JAZF1: variants seen among roughly 807,000 people sequenced by gnomAD.
The protein encoded by JAZF1 is JAZF zinc finger 1, also known as juxtaposed with another zinc finger protein 1.
Under a neutral mutation model 26.4 loss-of-function variants are expected in JAZF1, and 8 were observed. The ratio of observed to expected loss-of-function variants is 0.30; its 90% CI spans 0.18 to 0.55. The LOEUF (loss-of-function observed/expected upper bound fraction) is 0.55, where lower values mean the gene tolerates loss of function less well. Ranked by LOEUF, JAZF1 falls within the 20% of genes least tolerant of loss-of-function variation. The probability of loss-of-function intolerance (pLI) is 0.94; values close to 1 mark genes in which losing one functional copy is unlikely to be tolerated. For synonymous variants in JAZF1, 126 were observed against 122.3 expected (o/e 1.03, Z -0.20); for missense variants, 199 against 322.0 (o/e 0.62, Z 2.92).
chr7:28,091,639 C>T (rs1784298585), intron 1 of JAZF1, among the ~76,000 whole-genome samples: 1 of 149,300 alleles, frequency 6.7e-6, no homozygotes. Flanking sequence ...TATATATACA[C>T]ACACACAGAC....
rs1782909979 is a variant in JAZF1, at chr7:27,840,895, G to A, written c.386-28C>T. ...GCAGGACAAGAGAAGTGCAAGGACTGTCAGGAGCGCTCATCTCCCCACAGG... is the reference window on the plus strand; with the variant it reads ...GCAGGACAAGAGAAGTGCAAGGACTATCAGGAGCGCTCATCTCCCCACAGG... On this transcript the variant is annotated intron_variant, in intron 3 of 4. Transcript: ENST00000283928. This position sits in a 1 kb window ranked among gnomAD's most constrained non-coding sequence, Gnocchi z 5.1. 2 of 1,610,880 alleles carry A rather than the reference G, an allele frequency of 1.2e-6. No homozygotes were observed. The highest frequency in any genetic ancestry group is 1.7e-6 in the Non-Finnish European group (2 of 1,178,364).
At chr7:28,059,641 C>T (rs981046345) in intron 1 of JAZF1, among the ~76,000 whole-genome samples, 4 of 152,104 alleles carry the variant, frequency 2.6e-5, no homozygotes, top group East Asian at 1.9e-4. Context: ...TCTCAAAGTA[C>T]GTATTTTAGA....
chr7:28,051,501 C>T (rs905177891), intron 1 of JAZF1, among the ~76,000 whole-genome samples: 13 of 152,048 alleles, frequency 8.5e-5, no homozygotes, highest in African/African-American at 2.9e-4. Context: ...CGTCAGCCAC[C>T]GCATCCGGCT....
chr7:27,976,082 C>T (rs1785464073), intron 2 of JAZF1, among the ~76,000 whole-genome samples: 2 of 152,240 alleles, frequency 1.3e-5, no homozygotes, highest in Non-Finnish European at 2.9e-5. Flanking sequence ...CGATGGCTCA[C>T]GCCTGTAATC....
rs142679674 is a variant in JAZF1 at position 28,072,640 on chromosome 7, T to C, written c.116-80659A>G. ...CTAAAGAAAAAACAGAAACCATCCA[T>C]AATTCAGCTCCCTTCCACCACCACC... On this transcript the variant is annotated intron_variant, in intron 1 of 4. Coordinates refer to ENST00000283928, the MANE Select transcript of JAZF1 (RefSeq NM_175061.4). Among the ~76,000 whole-genome samples, 319 of 152,288 alleles carry C rather than the reference T, an allele frequency of 2.1e-3. 2 individuals carry two copies. The highest frequency in any genetic ancestry group is 7.4e-3 in the African/African-American group (308 of 41,558).
In JAZF1 at chr7:27,930,290, C is replaced by T. The variant is rs1033683637; in HGVS notation, c.189-34874G>A. On this transcript the variant is annotated intron_variant, in intron 2 of 4. Coordinates refer to ENST00000283928, the MANE Select transcript of JAZF1 (RefSeq NM_175061.4). ...GATTACAGGCATGAGCCACCGTGCC[C>T]GGCCAATTTTCTGCATTTTCTATAA... Among the ~76,000 whole-genome samples, 6 of 152,116 alleles carry T rather than the reference C, an allele frequency of 3.9e-5. No homozygotes were observed. In the South Asian group the frequency reaches 6.2e-4, roughly 16 times the overall value.
At chr7:27,987,201 G>A (rs1325792861) in intron 2 of JAZF1, among the ~76,000 whole-genome samples, 1 of 151,990 alleles carries the variant, frequency 6.6e-6, no homozygotes, top group Non-Finnish European at 1.5e-5. Context: ...ATCCCATCTA[G>A]GAGGTGAGGA....
At chr7:28,038,172 GA>G (rs1416019933) in intron 1 of JAZF1, among the ~76,000 whole-genome samples, 1 of 152,212 alleles carries the variant, frequency 6.6e-6, no homozygotes, top group Admixed American at 6.5e-5. Flanking sequence ...GAATTTCCAT[GA>G]AGTGGGTAAC....
chr7:27,872,021 T>C (rs184077093), intron 3 of JAZF1, among the ~76,000 whole-genome samples: 44 of 152,348 alleles, frequency 2.9e-4, no homozygotes, highest in Non-Finnish European at 5.1e-4. Flanking sequence ...TCACTGCCTA[T>C]GGTGCTGTTG....
chr7:28,084,553 T>C (rs893488729), intron 1 of JAZF1, among the ~76,000 whole-genome samples: 11 of 152,180 alleles, frequency 7.2e-5, no homozygotes, highest in Admixed American at 4.6e-4. Flanking sequence ...CTTGTAGAAG[T>C]ACTGGCTATT....
intron 1 of JAZF1, among the ~76,000 whole-genome samples, chr7:28,002,834 T>G (rs565612428): frequency 9.2e-5 from 14 of 152,250 alleles, no homozygotes; most frequent in Admixed American, 2.0e-4. Context: ...TGCATTCATG[T>G]GACTAAGTCT....
At chr7:27,876,491 T>A (rs1199090780) in intron 3 of JAZF1, among the ~76,000 whole-genome samples, 1 of 152,120 alleles carries the variant, frequency 6.6e-6, no homozygotes, top group African/African-American at 2.4e-5. Flanking sequence ...ACCACCGTTA[T>A]CACAACTGCT....
intron 4 of JAZF1, among the ~76,000 whole-genome samples, chr7:27,837,660 A>T (rs1782842363): frequency 6.6e-6 from 1 of 152,340 alleles, no homozygotes; most frequent in Non-Finnish European, 1.5e-5. Flanking sequence ...AGGTGGAGGC[A>T]CTGGAGCTGT....
At chr7:28,105,552 C>A (rs541029987) in intron 1 of JAZF1, among the ~76,000 whole-genome samples, 3 of 152,306 alleles carry the variant, frequency 2.0e-5, no homozygotes, top group African/African-American at 7.2e-5. Context: ...TTTAGTTTGA[C>A]AAAAGGATTT....
intron 1 of JAZF1, among the ~76,000 whole-genome samples, chr7:28,143,488 C>G (rs1782985294): frequency 6.6e-6 from 1 of 152,184 alleles, no homozygotes; most frequent in African/African-American, 2.4e-5. Flanking sequence ...TGCCTGTCTT[C>G]CCATTCCATG....
intron 1 of JAZF1, among the ~76,000 whole-genome samples, chr7:28,123,652 C>T (rs187210092): frequency 4.3e-4 from 66 of 152,362 alleles, no homozygotes; most frequent in Non-Finnish European, 7.3e-5. Context: ...GAGGCAAACA[C>T]TTTCCCAGAA....
At chr7:28,033,205 G>C (rs77809231) in intron 1 of JAZF1, among the ~76,000 whole-genome samples, 1 of 152,186 alleles carries the variant, frequency 6.6e-6, no homozygotes, top group African/African-American at 2.4e-5. Flanking sequence ...GAGACTGCAC[G>C]GCCACTGGGA....
intron 1 of JAZF1, among the ~76,000 whole-genome samples, chr7:28,010,159 C>A (rs1218449891): frequency 2.6e-5 from 4 of 152,168 alleles, no homozygotes; most frequent in African/African-American, 9.7e-5. Context: ...GTTCCCTGTG[C>A]CAAGCACTGT....
At chr7:28,017,287 G>A (rs1235953194) in intron 1 of JAZF1, among the ~76,000 whole-genome samples, 1 of 149,386 alleles carries the variant, frequency 6.7e-6, no homozygotes, top group African/African-American at 2.5e-5. Flanking sequence ...GGAGGCAGAG[G>A]TTACAGTGAG....
Sources: allele counts gnomAD v4.1 joint callset (sites outside exome capture counted in the v4.1 genomes callset), GRCh38; gene constraint gnomAD v4.1.1; non-coding constraint Gnocchi (gnomAD v3.1); transcripts MANE v1.5; gene names NCBI Gene and HGNC (gene_info 2026-07-23, HGNC 2026-07-21).